Variants in R3HDM1 observed in about 807,000 individuals in gnomAD.
R3HDM1 encodes R3H domain-containing protein 1.
R3HDM1 carries 46 observed loss-of-function variants against 141.1 expected under a neutral mutation model. The ratio of observed to expected loss-of-function variants is 0.33; its 90% CI spans 0.26 to 0.42. The LOEUF is 0.42. Ranked by LOEUF, R3HDM1 falls within the 10% of genes least tolerant of loss-of-function variation. The probability of loss-of-function intolerance (pLI) is 1.00; values close to 1 mark genes in which losing one functional copy is unlikely to be tolerated. For synonymous variants in R3HDM1, 435 were observed against 472.9 expected (o/e 0.92, Z 1.04); for missense variants, 1,184 against 1,368.3 (o/e 0.87, Z 2.12).
chr2:135,607,839 A>C lies in R3HDM1; in HGVS notation c.171+2823A>C, dbSNP rs932387402. On this transcript the variant is annotated intron_variant, in intron 3 of 26. Coordinates refer to ENST00000683871, the MANE Select transcript of R3HDM1 (RefSeq NM_001378107.1). ...CCACATTACCCAAACCATTTATTGAAAAATCTCTTCTTTACCAAGGGAATA... is the reference window on the plus strand; with the variant it reads ...CCACATTACCCAAACCATTTATTGACAAATCTCTTCTTTACCAAGGGAATA... The C allele has an allele frequency of 5.0e-5, 49 of 982,402 alleles. No homozygotes were observed. In the Admixed American group the frequency reaches 6.1e-4, roughly 12 times the overall value. The allele number at this position is 982,402 out of a possible 1,614,324, so 60.9% of individuals were successfully genotyped here. A position where few individuals can be genotyped will look rare whatever the true frequency, so the allele number is the denominator to read the frequency against.
chr2:135,617,869 C>T (rs1249142176), intron 5 of R3HDM1, among the ~76,000 whole-genome samples: 1 of 152,152 alleles, frequency 6.6e-6, no homozygotes, highest in Non-Finnish European at 1.5e-5. Flanking sequence ...ATGACTGATC[C>T]ATGACATGTA....
intron 19 of R3HDM1, chr2:135,667,536 T>A: frequency 3.0e-6 from 2 of 670,782 alleles, no homozygotes; most frequent in Non-Finnish European, 3.7e-6. Flanking sequence ...TGTTTTCCTC[T>A]ACTTTCCAGA....
chr2:135,672,815 A>C (rs943824129), intron 19 of R3HDM1, among the ~76,000 whole-genome samples: 1 of 152,082 alleles, frequency 6.6e-6, no homozygotes, highest in African/African-American at 2.4e-5. Flanking sequence ...TTTAAAGAAT[A>C]AGATACCAGG....
At chr2:135,634,208 T>C (rs1450375830) in intron 9 of R3HDM1, among the ~76,000 whole-genome samples, 2 of 152,244 alleles carry the variant, frequency 1.3e-5, no homozygotes, top group African/African-American at 4.8e-5. Context: ...ATTTCACCCA[T>C]CTAAGTATTT....
At chr2:135,598,644 CCTAAT>C (rs3050185) in intron 1 of R3HDM1, among the ~76,000 whole-genome samples, 13,921 of 152,122 alleles carry the variant, frequency 0.092, 870 homozygotes, top group South Asian at 0.31. Context: ...GCCTTAGTTT[CCTAAT>C]CTGTTGTAGG....
chr2:135,673,657 G>C (rs1053057000), intron 19 of R3HDM1, among the ~76,000 whole-genome samples: 4 of 152,150 alleles, frequency 2.6e-5, no homozygotes, highest in African/African-American at 9.6e-5. Flanking sequence ...TTACAGATGA[G>C]AACTAGAATA....
chr2:135,561,706 G>C (rs1701828435), intron 1 of R3HDM1, among the ~76,000 whole-genome samples: 1 of 150,816 alleles, frequency 6.6e-6, no homozygotes, highest in South Asian at 2.1e-4. Flanking sequence ...TGACAAAAGT[G>C]AGGTCCTGTC....
chr2:135,551,338 G>A (rs1391870887), intron 1 of R3HDM1, among the ~76,000 whole-genome samples: 2 of 152,210 alleles, frequency 1.3e-5, no homozygotes, highest in Non-Finnish European at 2.9e-5. Flanking sequence ...TAAAATCAAA[G>A]AAGGAAAGAG....
chr2:135,654,048 A>G (rs1330528675), intron 18 of R3HDM1, among the ~76,000 whole-genome samples: 1 of 152,166 alleles, frequency 6.6e-6, no homozygotes, highest in East Asian at 1.9e-4. Flanking sequence ...AGTGTTGTAC[A>G]ACCACCACTT....
intron 7 of R3HDM1, among the ~76,000 whole-genome samples, chr2:135,629,315 AAAACAAACAAAC>A (rs138706311): frequency 6.6e-6 from 1 of 151,644 alleles, no homozygotes; most frequent in African/African-American, 2.4e-5. Flanking sequence ...GACTGTCTCA[AAAACAAACAAAC>A]AAACAAACAA....
intron 1 of R3HDM1, chr2:135,561,378 T>C: frequency 1.1e-6 from 1 of 940,382 alleles, no homozygotes; most frequent in African/African-American, 1.8e-5. Flanking sequence ...CCCTGGTCTG[T>C]TAACGTGGAG....
At chr2:135,711,963 T>TAA (rs35616482) in intron 23 of R3HDM1, among the ~76,000 whole-genome samples, 14 of 85,088 alleles carry the variant, frequency 1.6e-4, no homozygotes, top group African/African-American at 6.2e-4. Flanking sequence ...TGTCTAAAAT[T>TAA]AAAAAAAAAA....
intron 21 of R3HDM1, among the ~76,000 whole-genome samples, chr2:135,686,711 C>T (rs1417825525): frequency 6.6e-6 from 1 of 152,072 alleles, no homozygotes; most frequent in Non-Finnish European, 1.5e-5. Flanking sequence ...TGTATTCCAG[C>T]TTAGGCGACA....
At chr2:135,655,492 T>TTTGTTGTTG (rs543591380) in intron 18 of R3HDM1, among the ~76,000 whole-genome samples, 26 of 151,494 alleles carry the variant, frequency 1.7e-4, no homozygotes, top group African/African-American at 5.1e-4. Context: ...TTTTTTTGTT[T>TTTGTTGTTG]TTGTTGTTGT....
chr2:135,723,480 G>A (rs2076892934), intron 26 of R3HDM1, among the ~76,000 whole-genome samples: 1 of 151,782 alleles, frequency 6.6e-6, no homozygotes, highest in South Asian at 2.1e-4. Flanking sequence ...TTTAAAAGAT[G>A]GATGTCCCTG....
chr2:135,680,370 C>T (rs759783719), intron 21 of R3HDM1, 46 bp downstream of exon 21: 2 of 1,598,224 alleles, frequency 1.3e-6, no homozygotes, highest in South Asian at 1.1e-5. Context: ...TCATTGTTTA[C>T]CAGGATTATG....
At chr2:135,609,014 G>T (rs1323088521) in intron 3 of R3HDM1, among the ~76,000 whole-genome samples, 2 of 152,090 alleles carry the variant, frequency 1.3e-5, no homozygotes, top group Non-Finnish European at 2.9e-5. Flanking sequence ...TGAAGTCATT[G>T]TTAATTAAGG....
intron 1 of R3HDM1, among the ~76,000 whole-genome samples, chr2:135,590,952 G>A (rs1330520829): frequency 6.6e-6 from 1 of 152,150 alleles, no homozygotes; most frequent in Non-Finnish European, 1.5e-5. Context: ...AGAGGGCTGT[G>A]ATCCTTTGTT....
chr2:135,661,156 T>G, intron 18 of R3HDM1, 114 bp from the exon 19 acceptor site: 1 of 1,285,140 alleles, frequency 7.8e-7, no homozygotes, highest in Non-Finnish European at 1.0e-6. Context: ...AAATCAGTTT[T>G]CCAATGATTA....
Sources: allele counts gnomAD v4.1 joint callset (sites outside exome capture counted in the v4.1 genomes callset), GRCh38; gene constraint gnomAD v4.1.1; transcripts MANE v1.5; gene names NCBI Gene and HGNC (gene_info 2026-07-23, HGNC 2026-07-21).